TLK1: variants seen among roughly 807,000 people sequenced by gnomAD.
TLK1 encodes the protein serine/threonine-protein kinase tousled-like 1.
TLK1 carries 24 observed loss-of-function variants against 105.3 expected under a neutral mutation model. The ratio of observed to expected loss-of-function variants is 0.23; its 90% confidence interval spans 0.17 to 0.32. The LOEUF (loss-of-function observed/expected upper bound fraction) is 0.32. Among genes scored for constraint, TLK1 ranks in the 10% least tolerant of loss-of-function variants. The pLI, the probability that TLK1 is intolerant of heterozygous loss-of-function variation, is 1.00. For missense variants in TLK1, 558 were observed against 910.5 expected (o/e 0.61, Z 4.98); for synonymous variants, 321 against 310.4 (o/e 1.03, Z -0.36).
At chr2:171,048,300 A>G (rs1292898602) in intron 10 of TLK1, among the ~76,000 whole-genome samples, 1 of 152,214 alleles carries the variant, frequency 6.6e-6, no homozygotes, top group Non-Finnish European at 1.5e-5. Context: ...TAGAATTTAT[A>G]TTTCAGAACA....
intron 8 of TLK1, 73 bp from the exon 9 acceptor site, chr2:171,050,247 C>T: frequency 1.9e-6 from 2 of 1,026,920 alleles, no homozygotes; most frequent in Non-Finnish European, 2.8e-6. Flanking sequence ...TTTTAATGTT[C>T]TAAATAAATT....
At chr2:170,995,300 C>T (rs1214517343) in intron 20 of TLK1, among the ~76,000 whole-genome samples, 1 of 152,020 alleles carries the variant, frequency 6.6e-6, no homozygotes, top group Non-Finnish European at 1.5e-5. Flanking sequence ...AAGGTATCTT[C>T]TGTAGGGATA....
chr2:171,224,658 A>G (rs1375414480), intron 1 of TLK1, among the ~76,000 whole-genome samples: 2 of 152,234 alleles, frequency 1.3e-5, no homozygotes, highest in Non-Finnish European at 2.9e-5. Context: ...CAAAATCCCT[A>G]TAAAAATCCC....
chr2:171,224,452 C>T (rs1693863784), intron 1 of TLK1, among the ~76,000 whole-genome samples: 1 of 151,070 alleles, frequency 6.6e-6, no homozygotes, highest in Non-Finnish European at 1.5e-5. Flanking sequence ...TTTTTTTTCT[C>T]CAAGAAAAAT....
At chr2:171,111,585 C>CAAA (rs34969114) in intron 2 of TLK1, among the ~76,000 whole-genome samples, 1 of 113,890 alleles carries the variant, frequency 8.8e-6, no homozygotes, top group African/African-American at 3.2e-5. Flanking sequence ...ATCCTGTATT[C>CAAA]AAAAAAAAAA....
chr2:170,996,817 T>A (rs1684086044), intron 19 of TLK1, 57 bp from the exon 20 acceptor site: 5 of 1,423,476 alleles, frequency 3.5e-6, no homozygotes, highest in Admixed American at 2.1e-5. Flanking sequence ...TAAACACAGA[T>A]ATCATTTCTG....
chr2:171,198,882 T>C lies in TLK1; in HGVS notation c.-6+32263A>G, dbSNP rs188449120. 5.3e-5 allele frequency among the ~76,000 whole-genome samples: 8 copies of C among 152,332 alleles called. No homozygotes were observed. The East Asian group carries it at 7.7e-4, about 15-fold the overall frequency. ...ATTTTAAAGTAAGTTTTATTTCCCATATAAGTACTTTATTTAATAGATTCA... is the reference window on the plus strand; with the variant it reads ...ATTTTAAAGTAAGTTTTATTTCCCACATAAGTACTTTATTTAATAGATTCA... On this transcript the variant is annotated intron_variant, in intron 1 of 20. Transcript: ENST00000521943.
intron 3 of TLK1, among the ~76,000 whole-genome samples, chr2:171,063,279 G>A (rs1037419967): frequency 6.6e-5 from 10 of 152,120 alleles, no homozygotes; most frequent in African/African-American, 2.4e-4. Context: ...ACAGGAGGTA[G>A]GGGTTGCAGT....
intron 1 of TLK1, among the ~76,000 whole-genome samples, chr2:171,192,152 T>A (rs1455122939): frequency 6.6e-6 from 1 of 152,066 alleles, no homozygotes; most frequent in Non-Finnish European, 1.5e-5. Flanking sequence ...CCTCAGCCAC[T>A]GGGGTAACTG....
intron 4 of TLK1, chr2:171,059,986 C>A (rs766502722): frequency 6.2e-7 from 1 of 1,612,480 alleles, no homozygotes. Context: ...GTTGGGGAAC[C>A]CTGCAGAAGA....
chr2:171,041,692 C>T (rs4668366), intron 11 of TLK1, among the ~76,000 whole-genome samples: 139,109 of 152,202 alleles, frequency 0.91, 64,774 homozygotes, highest in East Asian at 1. Context: ...CCCACCCCAG[C>T]CCATGAAAAC....
At chr2:171,082,738 G>C in intron 3 of TLK1, 43 bp downstream of exon 3, 2 of 1,431,446 alleles carry the variant, frequency 1.4e-6, no homozygotes, top group African/African-American at 1.4e-5. Flanking sequence ...GGTGATTCCA[G>C]CTTTTACTTT....
intron 18 of TLK1, 98 bp from the exon 19 acceptor site, chr2:170,997,921 A>G (rs1425839905): frequency 1.5e-6 from 1 of 662,576 alleles, no homozygotes; most frequent in Non-Finnish European, 2.5e-6. Context: ...TTATTCATAT[A>G]TAAACTCTAG....
At chr2:171,201,550 C>T (rs1382788409) in intron 1 of TLK1, among the ~76,000 whole-genome samples, 4 of 152,166 alleles carry the variant, frequency 2.6e-5, no homozygotes, top group Non-Finnish European at 5.9e-5. Context: ...TGGCAAGAAG[C>T]TCACTACTAT....
intron 1 of TLK1, among the ~76,000 whole-genome samples, chr2:171,184,987 C>G (rs971808370): frequency 6.6e-6 from 1 of 151,972 alleles, no homozygotes; most frequent in South Asian, 2.1e-4. Context: ...TACAGGTGCC[C>G]GCCACCATGC....
chr2:171,163,649 C>G (rs1692555697), upstream of TLK1, among the ~76,000 whole-genome samples: 1 of 152,260 alleles, frequency 6.6e-6, no homozygotes, highest in Admixed American at 6.5e-5. Flanking sequence ...GTAAACAAAG[C>G]CCAACCAAAA....
At chr2:171,102,427 A>C (rs776322127) in intron 2 of TLK1, among the ~76,000 whole-genome samples, 47 of 152,190 alleles carry the variant, frequency 3.1e-4, no homozygotes, top group Non-Finnish European at 6.6e-4. Flanking sequence ...ACTTCTCCCA[A>C]CATGACAACT....
intron 11 of TLK1, among the ~76,000 whole-genome samples, chr2:171,035,561 C>A (rs139553880): frequency 4.6e-5 from 7 of 152,298 alleles, no homozygotes; most frequent in Non-Finnish European, 5.9e-5. Flanking sequence ...GACTTACATA[C>A]CAAGTACTAC....
Position 171,089,121 on chromosome 2 carries a change from G to C in TLK1, c.259-6269C>G, listed in dbSNP as rs554934056. 4.6e-5 allele frequency among the ~76,000 whole-genome samples: 7 copies of C among 152,310 alleles called. 2 individuals carry two copies. In the South Asian group the frequency reaches 1.2e-3, roughly 27 times the overall value. ...GATCTCGAACTCCTGGCCTCCCAAA[G>C]TGCTGGGATTACAGGAGTGAGACAC... On this transcript the variant is annotated intron_variant, in intron 2 of 20. Coordinates refer to ENST00000431350, the MANE Select transcript of TLK1 (RefSeq NM_012290.5).
Sources: gnomAD v4.1 joint callset for allele counts (sites outside exome capture counted in the v4.1 genomes callset) on GRCh38, gnomAD v4.1.1 for gene constraint, MANE v1.5 for transcripts, NCBI Gene and HGNC (gene_info 2026-07-23, HGNC 2026-07-21) for gene names.